Variants in ADAMTS2 observed in about 807,000 individuals in gnomAD.
The protein encoded by ADAMTS2 is ADAM metallopeptidase with thrombospondin type 1 motif 2, also known as A disintegrin and metalloproteinase with thrombospondin motifs 2.
In ADAMTS2, 50 loss-of-function variants were observed where a neutral mutation model predicts 123.0. That is an observed-to-expected ratio of 0.41 (90% CI 0.32 to 0.51). The LOEUF is 0.51. Ranked by LOEUF, ADAMTS2 falls within the 20% of genes least tolerant of loss-of-function variation. ADAMTS2 has a pLI of 0.35. For synonymous variants in ADAMTS2, 678 were observed against 695.4 expected (o/e 0.98, Z 0.39); for missense variants, 1,494 against 1,705.2 (o/e 0.88, Z 2.18).
At chr5:179,327,370 G>C (rs895959402) in intron 2 of ADAMTS2, among the ~76,000 whole-genome samples, 1 of 152,144 alleles carries the variant, frequency 6.6e-6, no homozygotes, top group African/African-American at 2.4e-5. Flanking sequence ...GCCTTCTCCT[G>C]AAAGTGTCTC....
intron 1 of ADAMTS2, 123 bp from the exon 2 acceptor site, chr5:179,344,284 G>A: frequency 7.5e-7 from 1 of 1,331,930 alleles, no homozygotes; most frequent in Non-Finnish European, 1.0e-6. Context: ...ATTCCGCCAG[G>A]CGACCCCAGA....
intron 2 of ADAMTS2, among the ~76,000 whole-genome samples, chr5:179,281,440 T>C (rs762411482): frequency 1.3e-5 from 2 of 152,272 alleles, no homozygotes; most frequent in Non-Finnish European, 2.9e-5. Context: ...TGGAATCACA[T>C]GCTATGTGGC....
chr5:179,335,931 C>A (rs1757600742), intron 2 of ADAMTS2, among the ~76,000 whole-genome samples: 1 of 152,230 alleles, frequency 6.6e-6, no homozygotes, highest in Non-Finnish European at 1.5e-5. Context: ...GCTCTCCAAA[C>A]CTTGTCGTTT....
chr5:179,171,494 G>A (rs1472417953), intron 5 of ADAMTS2, among the ~76,000 whole-genome samples: 2 of 152,026 alleles, frequency 1.3e-5, no homozygotes, highest in Admixed American at 6.6e-5. Flanking sequence ...TCATAGCCTC[G>A]GCTCACTTCC....
At chr5:179,226,742 C>G (rs142734101) in intron 3 of ADAMTS2, among the ~76,000 whole-genome samples, 1 of 152,330 alleles carries the variant, frequency 6.6e-6, no homozygotes, top group East Asian at 1.9e-4. Context: ...ATGCACAAAC[C>G]TTTTGAATCC....
Position 179,133,089 on chromosome 5 carries a change from C to T in ADAMTS2, c.2086-189G>A, listed in dbSNP as rs139446921. Among the ~76,000 whole-genome samples, 1,022 of 151,948 alleles carry T rather than the reference C, an allele frequency of 6.7e-3. 4 individuals carry two copies. Among genetic ancestry groups the T allele is most frequent in the Non-Finnish European group, 0.011 (756 of 67,972 alleles). On this transcript the variant is annotated intron_variant, in intron 13 of 21. Transcript: ENST00000251582. ...TTTTATTATCTCCAAAATCAGAGTGCGTCTAGTCATCAGTTAAACGGACCT... is the reference window on the plus strand; with the variant it reads ...TTTTATTATCTCCAAAATCAGAGTGTGTCTAGTCATCAGTTAAACGGACCT...
chr5:179,226,552 C>T (rs533343407), intron 3 of ADAMTS2, among the ~76,000 whole-genome samples: 4 of 152,024 alleles, frequency 2.6e-5, no homozygotes, highest in Non-Finnish European at 5.9e-5. Context: ...GTTGGTATTA[C>T]GGGTATGAGC....
At chr5:179,221,387 G>A (rs1161852377) in intron 3 of ADAMTS2, among the ~76,000 whole-genome samples, 4 of 152,142 alleles carry the variant, frequency 2.6e-5, no homozygotes, top group African/African-American at 9.7e-5. Flanking sequence ...GAAAGTACCA[G>A]GGCCCTGGCC....
chr5:179,195,293 G>C (rs1284009979), intron 4 of ADAMTS2, among the ~76,000 whole-genome samples: 2 of 152,124 alleles, frequency 1.3e-5, no homozygotes, highest in African/African-American at 4.8e-5. Flanking sequence ...CTCGAGTGGT[G>C]CTCCCAACAG....
At chr5:179,240,854 C>T (rs1765651531) in intron 3 of ADAMTS2, among the ~76,000 whole-genome samples, 1 of 152,214 alleles carries the variant, frequency 6.6e-6, no homozygotes, top group African/African-American at 2.4e-5. Context: ...AGAGCTTGAG[C>T]CCACCTCTCC....
Position 179,125,184 on chromosome 5 carries a change from C to T in ADAMTS2, c.2751-4G>A, listed in dbSNP as rs112155474. On this transcript the variant is annotated splice_region_variant and splice_polypyrimidine_tract_variant and intron_variant, in intron 18 of 21. Coordinates refer to ENST00000251582, the MANE Select transcript of ADAMTS2 (RefSeq NM_014244.5). ...CTCCCATTCGCCTGTGACCCACCTG[C>T]CAGGGCAGAGCGGGGCACAGTCAGG... The T allele has an allele frequency of 4.3e-3, 6,952 of 1,612,074 alleles. 26 individuals carry two copies. The highest frequency in any genetic ancestry group is 5.2e-3 in the Non-Finnish European group (6,151 of 1,179,820).
rs189102082 is a variant in ADAMTS2 at position 179,265,518 on chromosome 5, C to T, written c.688+7393G>A. Among the ~76,000 whole-genome samples, 371 of 152,326 alleles carry T rather than the reference C, an allele frequency of 2.4e-3. 9 individuals carry two copies. In the East Asian group the frequency reaches 0.049, roughly 20 times the overall value. On this transcript the variant is annotated intron_variant, in intron 3 of 21. Coordinates refer to ENST00000251582, the MANE Select transcript of ADAMTS2 (RefSeq NM_014244.5). ...CAGCCCTCGCTGGGGCTGCAAGCCT[C>T]GCTTCTGCCTTCACAGCCCAGGGGG...
chr5:179,213,691 A>C (rs1338629361), intron 3 of ADAMTS2, among the ~76,000 whole-genome samples: 1 of 152,254 alleles, frequency 6.6e-6, no homozygotes, highest in Non-Finnish European at 1.5e-5. Context: ...AATTACTTGC[A>C]TATGGCATAA....
chr5:179,198,953 TG>T (rs1260017549), intron 4 of ADAMTS2, among the ~76,000 whole-genome samples: 3 of 152,010 alleles, frequency 2.0e-5, no homozygotes, highest in South Asian at 2.1e-4. Context: ...TGGCTTCGCC[TG>T]GGCCTCAGAG....
chr5:179,121,281 C>A, intron 21 of ADAMTS2: 1 of 160,848 alleles, frequency 6.2e-6, no homozygotes, highest in Non-Finnish European at 1.4e-5. Context: ...CGGGAAGCAC[C>A]TGGCAGTGCC....
chr5:179,329,472 ATG>A (rs1489593832), intron 2 of ADAMTS2, among the ~76,000 whole-genome samples: 2 of 152,206 alleles, frequency 1.3e-5, no homozygotes, highest in African/African-American at 4.8e-5. Context: ...AGACAACAGC[ATG>A]GCAATTTAGA....
At chr5:179,340,522 T>G (rs1477801044) in intron 2 of ADAMTS2, among the ~76,000 whole-genome samples, 5 of 152,204 alleles carry the variant, frequency 3.3e-5, no homozygotes, top group Admixed American at 1.3e-4. Flanking sequence ...AGAAATGCAT[T>G]TTTAAAATTC....
rs905483486 is a variant in ADAMTS2, at chr5:179,175,323, C to T, written c.975+5749G>A. ...CGCAGCTGTCTCAGCCATTCTTGAC[C>T]GTTCGTGTTCCTAGATGGTGCTTAG... On this transcript the variant is annotated intron_variant, in intron 5 of 21. Transcript: ENST00000251582. This position sits in a 1 kb window ranked among gnomAD's most constrained non-coding sequence, Gnocchi z 4.1. Among the ~76,000 whole-genome samples, 6 of 152,180 alleles carry T rather than the reference C, an allele frequency of 3.9e-5. No homozygotes were observed. Among genetic ancestry groups the T allele is most frequent in the East Asian group, 1.9e-4 (1 of 5,196 alleles).
In ADAMTS2 at chr5:179,225,189, A is replaced by G. The variant is rs1765251822; in HGVS notation, c.689-17474T>C. Reference sequence around the variant, plus strand: ...CCTCCCTCTCATGGACTCTCAATTCAGCCCCGCACAGCCAAGGGCTCACCC... The same window carrying G: ...CCTCCCTCTCATGGACTCTCAATTCGGCCCCGCACAGCCAAGGGCTCACCC... On this transcript the variant is annotated intron_variant, in intron 3 of 21. Transcript: ENST00000251582. The surrounding 1 kb of genome is among the most constrained non-coding windows in gnomAD (Gnocchi z 4.5). Among the ~76,000 whole-genome samples the G allele has an allele frequency of 6.6e-6, 1 of 152,224 alleles. No homozygotes were observed. The highest frequency in any genetic ancestry group is 1.5e-5 in the Non-Finnish European group (1 of 68,036).
Sources: allele counts gnomAD v4.1 joint callset (sites outside exome capture counted in the v4.1 genomes callset), GRCh38; gene constraint gnomAD v4.1.1; non-coding constraint Gnocchi (gnomAD v3.1); transcripts MANE v1.5; gene names NCBI Gene and HGNC (gene_info 2026-07-23, HGNC 2026-07-21).